The following TASP1 variants were observed in gnomAD, a reference collection of about 807,000 sequenced individuals.
The protein encoded by TASP1 is taspase 1.
In TASP1, 16 loss-of-function variants were observed where a neutral mutation model predicts 56.6. The observed-to-expected ratio is 0.28, with a 90% CI of 0.19 to 0.43. The LOEUF is 0.43. Ranked by LOEUF, TASP1 falls within the 20% of genes least tolerant of loss-of-function variation. TASP1 has a pLI of 1.00. For synonymous variants in TASP1, 179 were observed against 184.2 expected (o/e 0.97, Z 0.23); for missense variants, 393 against 511.6 (o/e 0.77, Z 2.24).
At chr20:13,494,096 G>A (rs1344163913) in intron 10 of TASP1, among the ~76,000 whole-genome samples, 2 of 152,172 alleles carry the variant, frequency 1.3e-5, no homozygotes, top group African/African-American at 4.8e-5. Flanking sequence ...CATTAGGAAA[G>A]TAGCCATAAA....
At chr20:13,613,252 A>T (rs2048410490) in intron 4 of TASP1, among the ~76,000 whole-genome samples, 1 of 152,218 alleles carries the variant, frequency 6.6e-6, no homozygotes, top group Non-Finnish European at 1.5e-5. Flanking sequence ...AAGTCACATT[A>T]TTTATTATCA....
At chr20:13,275,424 T>C in the TASP1 span, among the ~76,000 whole-genome samples, 1 of 152,162 alleles carries the variant, frequency 6.6e-6, no homozygotes, top group Non-Finnish European at 1.5e-5. Context: ...GCCCAAGACA[T>C]GGACCCATGC....
At chr20:13,478,621 T>G (rs1600933845) in intron 11 of TASP1, among the ~76,000 whole-genome samples, 1 of 152,160 alleles carries the variant, frequency 6.6e-6, no homozygotes, top group Middle Eastern at 3.4e-3. Context: ...ATGGGTACAA[T>G]GTACATTATT....
At chr20:13,623,879 C>CTCCTCCCACTGTT (rs1600194899) in intron 3 of TASP1, among the ~76,000 whole-genome samples, 1 of 152,258 alleles carries the variant, frequency 6.6e-6, no homozygotes, top group East Asian at 1.9e-4. Flanking sequence ...CACTAAATCT[C>CTCCTCCCACTGTT]AAACTAATCA....
At chr20:13,283,656 T>C in the TASP1 span, among the ~76,000 whole-genome samples, 1 of 152,202 alleles carries the variant, frequency 6.6e-6, no homozygotes, top group African/African-American at 2.4e-5. Context: ...CTCTTCTGTG[T>C]AGATACTTGG....
At chr20:13,412,407 C>T (rs1414671000) in intron 13 of TASP1, among the ~76,000 whole-genome samples, 2 of 152,128 alleles carry the variant, frequency 1.3e-5, no homozygotes, top group Non-Finnish European at 2.9e-5. Context: ...TTTTCTCTAC[C>T]TAATAACTTC....
intron 11 of TASP1, among the ~76,000 whole-genome samples, chr20:13,447,229 A>G (rs1256391552): frequency 6.6e-6 from 1 of 152,176 alleles, no homozygotes; most frequent in Admixed American, 6.6e-5. Flanking sequence ...ATTATTACTA[A>G]TCTGATACAT....
At chr20:13,477,159 T>C (rs2042976888) in intron 11 of TASP1, among the ~76,000 whole-genome samples, 1 of 152,130 alleles carries the variant, frequency 6.6e-6, no homozygotes, top group Non-Finnish European at 1.5e-5. Context: ...ATAACTTCTC[T>C]ATTTGGCAGA....
rs149417289 is a variant in TASP1, at chr20:13,623,494, G to A, written c.234C>T (p.Ala78=). Residue 78 remains alanine (A), a synonymous_variant, in exon 4 of 14, where the codon GCC becomes GCT. Coordinates refer to ENST00000337743, the MANE Select transcript of TASP1 (RefSeq NM_017714.3). Reference sequence around the variant, plus strand: ...TGACTGCGTCAGTTGCAAGAGCACCGGCCTGCAGCTTTTCAATTGCCTATG... The same window carrying A: ...TGACTGCGTCAGTTGCAAGAGCACCAGCCTGCAGCTTTTCAATTGCCTATG... ...ACQKAIEKLQ[A]GALATDAVTA... is the part of the protein sequence containing the mutation. The A allele has an allele frequency of 5.2e-5, 84 of 1,604,948 alleles. No individual in the cohort carries two copies. In the East Asian group the frequency reaches 9.6e-4, roughly 18 times the overall value.
intron 11 of TASP1, among the ~76,000 whole-genome samples, chr20:13,472,079 T>G (rs2044524430): frequency 1.3e-5 from 2 of 151,272 alleles, no homozygotes; most frequent in Non-Finnish European, 2.9e-5. Context: ...TCACACTACC[T>G]GACTTCAAAC....
At chr20:13,135,253 G>A in the TASP1 span, among the ~76,000 whole-genome samples, 3 of 152,182 alleles carry the variant, frequency 2.0e-5, no homozygotes, top group African/African-American at 4.8e-5. Context: ...GGGCAACACT[G>A]CTAGGTGTTG....
chr20:13,161,655 G>A, the TASP1 span, among the ~76,000 whole-genome samples: 3 of 152,164 alleles, frequency 2.0e-5, no homozygotes, highest in African/African-American at 7.2e-5. Flanking sequence ...CAAAACTGCA[G>A]GAAGTTTAAA....
chr20:13,121,158 A>C, the TASP1 span, among the ~76,000 whole-genome samples: 1 of 152,220 alleles, frequency 6.6e-6, no homozygotes, highest in South Asian at 2.1e-4. Context: ...GTCCACCTGC[A>C]TGCCTGGTGC....
intron 4 of TASP1, among the ~76,000 whole-genome samples, chr20:13,593,869 T>C (rs1471983498): frequency 6.6e-6 from 1 of 152,204 alleles, no homozygotes; most frequent in Non-Finnish European, 1.5e-5. Flanking sequence ...GCATTTCATT[T>C]CAGCTCTGAG....
chr20:13,206,017 C>G, the TASP1 span, among the ~76,000 whole-genome samples: 1 of 152,214 alleles, frequency 6.6e-6, no homozygotes, highest in Non-Finnish European at 1.5e-5. Context: ...CAGACAGAGA[C>G]GCACTCCTGT....
At chr20:13,180,689 G>A in the TASP1 span, among the ~76,000 whole-genome samples, 2 of 152,274 alleles carry the variant, frequency 1.3e-5, no homozygotes, top group East Asian at 1.9e-4. Flanking sequence ...TCGCCAGGCC[G>A]TGAGAAACTG....
the TASP1 span, among the ~76,000 whole-genome samples, chr20:13,213,621 A>T: frequency 6.6e-6 from 1 of 152,206 alleles, no homozygotes; most frequent in African/African-American, 2.4e-5. Flanking sequence ...AGATGAACTC[A>T]TGTTTCCCCT....
At chr20:13,431,420 C>G (rs886617861) in intron 12 of TASP1, among the ~76,000 whole-genome samples, 3 of 152,092 alleles carry the variant, frequency 2.0e-5, no homozygotes, top group African/African-American at 7.2e-5. Flanking sequence ...CTTTATGGGT[C>G]CAATCTTCTG....
the TASP1 span, among the ~76,000 whole-genome samples, chr20:13,268,271 C>G: frequency 6.6e-6 from 1 of 151,356 alleles, no homozygotes; most frequent in Non-Finnish European, 1.5e-5. Flanking sequence ...TCTTCTCTCT[C>G]GCTCCTTCTC....
Sources: gnomAD v4.1 joint callset for allele counts (sites outside exome capture counted in the v4.1 genomes callset) on GRCh38, gnomAD v4.1.1 for gene constraint, MANE v1.5 for transcripts, NCBI Gene and HGNC (gene_info 2026-07-23, HGNC 2026-07-21) for gene names.